PDE7B: variants seen among roughly 807,000 people sequenced by gnomAD.
PDE7B encodes 3',5'-cyclic-AMP phosphodiesterase 7B.
A neutral mutation model predicts 56.2 loss-of-function variants in PDE7B; 29 were observed. The ratio of observed to expected loss-of-function variants is 0.52; its 90% CI spans 0.38 to 0.70. The LOEUF (loss-of-function observed/expected upper bound fraction) is 0.70. Ranked by LOEUF, PDE7B falls within the 30% of genes least tolerant of loss-of-function variation. PDE7B has a pLI of 0.00. For synonymous variants in PDE7B, 197 were observed against 196.9 expected (o/e 1.00, Z 0.00); for missense variants, 490 against 565.0 (o/e 0.87, Z 1.35).
chr6:135,878,790 G>C (rs951582787), intron 1 of PDE7B, among the ~76,000 whole-genome samples: 1 of 152,166 alleles, frequency 6.6e-6, no homozygotes, highest in African/African-American at 2.4e-5. Flanking sequence ...GATGTGATGA[G>C]TCAATAGTGA....
At chr6:135,869,900 G>C (rs1290155567) in intron 1 of PDE7B, among the ~76,000 whole-genome samples, 1 of 152,222 alleles carries the variant, frequency 6.6e-6, no homozygotes, top group African/African-American at 2.4e-5. Flanking sequence ...TGATGGGATG[G>C]AAGGAGATGA....
At chr6:135,926,261 G>A (rs1457068168) in intron 1 of PDE7B, among the ~76,000 whole-genome samples, 1 of 151,944 alleles carries the variant, frequency 6.6e-6, no homozygotes, top group Non-Finnish European at 1.5e-5. Flanking sequence ...TAATTTTTTT[G>A]TATTTTTGGT....
intron 3 of PDE7B, among the ~76,000 whole-genome samples, chr6:136,111,621 C>T (rs939604551): frequency 7.2e-5 from 11 of 152,156 alleles, no homozygotes; most frequent in Non-Finnish European, 2.9e-5. Flanking sequence ...TCTCCTACTA[C>T]TTCATATACT....
intron 3 of PDE7B, among the ~76,000 whole-genome samples, chr6:136,111,860 G>A (rs548273965): frequency 2.1e-3 from 313 of 152,252 alleles, no homozygotes; most frequent in Non-Finnish European, 3.5e-3. Context: ...CCCAGTGTGG[G>A]CACAGACCCC....
At chr6:135,951,502 G>T (rs1774697983) in intron 2 of PDE7B, among the ~76,000 whole-genome samples, 1 of 152,146 alleles carries the variant, frequency 6.6e-6, no homozygotes, top group African/African-American at 2.4e-5. Flanking sequence ...TATGTAAAAT[G>T]ATCAATGTTG....
At chr6:136,001,072 T>C (rs1378945845) in intron 2 of PDE7B, among the ~76,000 whole-genome samples, 1 of 152,250 alleles carries the variant, frequency 6.6e-6, no homozygotes, top group Non-Finnish European at 1.5e-5. Flanking sequence ...CCACCGCTGC[T>C]GATATCCAGG....
At chr6:136,087,229 A>C (rs1194573831) in intron 2 of PDE7B, among the ~76,000 whole-genome samples, 1 of 152,208 alleles carries the variant, frequency 6.6e-6, no homozygotes, top group African/African-American at 2.4e-5. Flanking sequence ...GAACACATCC[A>C]AGTGAATTTC....
At chr6:135,913,135 T>A (rs1328488785) in intron 1 of PDE7B, among the ~76,000 whole-genome samples, 1 of 152,228 alleles carries the variant, frequency 6.6e-6, no homozygotes, top group African/African-American at 2.4e-5. Flanking sequence ...CATAATTATC[T>A]TTTTAATCTA....
chr6:135,935,204 A>ATTTT (rs1562445499), intron 1 of PDE7B, among the ~76,000 whole-genome samples: 6 of 73,852 alleles, frequency 8.1e-5, no homozygotes, highest in Admixed American at 1.9e-4. Flanking sequence ...ATATATATAT[A>ATTTT]TATATATATA....
At chr6:136,173,693 A>G in intron 8 of PDE7B, 104 bp from the exon 9 acceptor site, 2 of 781,872 alleles carry the variant, frequency 2.6e-6, no homozygotes, top group South Asian at 3.0e-5. Context: ...GTCATCAAGT[A>G]CAAACTGGAG....
chr6:136,116,534 G>A (rs536755315), intron 3 of PDE7B, among the ~76,000 whole-genome samples: 4 of 152,318 alleles, frequency 2.6e-5, no homozygotes, highest in Admixed American at 2.6e-4. Flanking sequence ...TCATATAAAA[G>A]AAGACATAAA....
At chr6:135,860,733 A>G (rs905550133) in intron 1 of PDE7B, among the ~76,000 whole-genome samples, 1 of 152,020 alleles carries the variant, frequency 6.6e-6, no homozygotes, top group African/African-American at 2.4e-5. Flanking sequence ...ACTTAATGTT[A>G]GTGTATCAAC....
intron 1 of PDE7B, among the ~76,000 whole-genome samples, chr6:135,921,473 A>G (rs1209036261): frequency 6.6e-6 from 1 of 152,172 alleles, no homozygotes; most frequent in African/African-American, 2.4e-5. Flanking sequence ...AAATCAGTGC[A>G]TGGAAATTCC....
chr6:135,861,284 T>C (rs1163958033), intron 1 of PDE7B, among the ~76,000 whole-genome samples: 5 of 151,802 alleles, frequency 3.3e-5, no homozygotes, highest in Non-Finnish European at 5.9e-5. Flanking sequence ...TATCCAAATT[T>C]AGTAAAAAAT....
intron 2 of PDE7B, among the ~76,000 whole-genome samples, chr6:136,082,482 G>A (rs763343864): frequency 6.6e-6 from 1 of 152,178 alleles, no homozygotes; most frequent in Non-Finnish European, 1.5e-5. Context: ...AATATTAACA[G>A]ACATGGGAAA....
In PDE7B at chr6:135,894,189, T is replaced by C. The variant is rs75544223; in HGVS notation, c.21+42170T>C. Among the ~76,000 whole-genome samples, 970 of 152,304 alleles carry C rather than the reference T, an allele frequency of 6.4e-3. 9 individuals are homozygous for C. The highest frequency in any genetic ancestry group is 0.022 in the African/African-American group (921 of 41,572). On this transcript the variant is annotated intron_variant, in intron 1 of 12. Coordinates refer to ENST00000308191, the MANE Select transcript of PDE7B (RefSeq NM_018945.4). ...CTATATGCTTTATTTCTGTACCAAA[T>C]AGAGTTTGGGAAGGCTTATTTATTA... is the stretch of plus-strand genomic sequence containing the variant.
chr6:135,868,164 CTT>C (rs61323642), intron 1 of PDE7B, among the ~76,000 whole-genome samples: 5 of 147,512 alleles, frequency 3.4e-5, no homozygotes, highest in East Asian at 2.0e-4. Context: ...CACAACATAG[CTT>C]TTTTTTTTTT....
In PDE7B at chr6:135,947,507, A is replaced by G; in HGVS notation, c.65A>G (p.Lys22Arg). The G allele has an allele frequency of 1.2e-6, 2 of 1,611,628 alleles. No homozygotes were observed. Among genetic ancestry groups the G allele is most frequent in the Middle Eastern group, 1.7e-4 (1 of 6,052 alleles). Residue 22 changes from lysine to arginine, a missense_variant, in exon 2 of 13, where the codon AAA becomes AGA. By Grantham distance (26) the Lys-to-Arg change is conservative (BLOSUM62 2). Coordinates refer to ENST00000308191, the MANE Select transcript of PDE7B (RefSeq NM_018945.4). ...TTTGAGAACCCCGATCAGAATGCCAAATGTGTTTGCATGCTGGGTAAGAAG... is the reference window on the plus strand; with the variant it reads ...TTTGAGAACCCCGATCAGAATGCCAGATGTGTTTGCATGCTGGGTAAGAAG... ...ILFENPDQNA[K>R]CVCMLGDIRL...
intron 1 of PDE7B, among the ~76,000 whole-genome samples, chr6:135,852,560 TAGA>T (rs1209173600): frequency 6.6e-6 from 1 of 152,152 alleles, no homozygotes; most frequent in Non-Finnish European, 1.5e-5. Flanking sequence ...AAAAAATCAA[TAGA>T]AGATGTCCAA....
Sources: allele counts gnomAD v4.1 joint callset (sites outside exome capture counted in the v4.1 genomes callset), GRCh38; gene constraint gnomAD v4.1.1; transcripts MANE v1.5; gene names NCBI Gene and HGNC (gene_info 2026-07-23, HGNC 2026-07-21).